Variants in RCN1 observed in about 807,000 individuals in gnomAD.
RCN1 encodes the protein reticulocalbin-1.
A neutral mutation model predicts 34.7 loss-of-function variants in RCN1; 14 were observed. The observed-to-expected ratio is 0.40, with a 90% CI of 0.27 to 0.63. The LOEUF is 0.63. RCN1 is among the 30% of genes least tolerant of loss of function. The probability of loss-of-function intolerance (pLI) is 0.37; values close to 1 mark genes in which losing one functional copy is unlikely to be tolerated. For synonymous variants in RCN1, 125 were observed against 165.5 expected, an observed-to-expected ratio of 0.76 and a Z score of 1.88; for missense variants, 326 against 425.1, an observed-to-expected ratio of 0.77 and a Z score of 2.05.
chr11:32,097,432 G>A (rs1851985937), intron 2 of RCN1, 95 bp downstream of exon 2: 1 of 873,512 alleles, frequency 1.1e-6, no homozygotes, highest in Non-Finnish European at 1.6e-6. Context: ...CTCCCTTCAG[G>A]GAGATGTCAC....
chr11:32,097,382 A>T, intron 2 of RCN1, 45 bp downstream of exon 2: 1 of 1,384,574 alleles, frequency 7.2e-7, no homozygotes, highest in South Asian at 1.6e-5. Context: ...GGCCCAGATC[A>T]CAAGCTTTTT....
chr11:32,105,123 A>G lies in RCN1; in HGVS notation c.*651A>G, dbSNP rs1852096191. On this transcript the variant is annotated 3_prime_UTR_variant, in exon 6 of 6. Coordinates refer to ENST00000054950, the MANE Select transcript of RCN1 (RefSeq NM_002901.4). ...AAAAGCAATCAAGAAAGATAATGTGAAAAAGAAAGGAATTTAGAGGTAGGG... is the reference window on the plus strand; with the variant it reads ...AAAAGCAATCAAGAAAGATAATGTGGAAAAGAAAGGAATTTAGAGGTAGGG... 6.0e-6 allele frequency: 1 copy of G among 167,164 alleles called. No homozygotes were observed. The highest frequency in any genetic ancestry group is 1.5e-5 in the Non-Finnish European group (1 of 68,150). 10.4% of individuals were successfully genotyped at this position (167,164 alleles called of 1,614,324 possible).
chr11:32,099,675 T>C lies in RCN1; in HGVS notation c.628-873T>C, dbSNP rs1852013539. On this transcript the variant is annotated intron_variant, in intron 3 of 5. Coordinates refer to ENST00000054950, the MANE Select transcript of RCN1 (RefSeq NM_002901.4). Reference sequence around the variant, plus strand: ...TCCTGGGCAGATGCACCAACCCAGTTCCAACTGTTTCAATCCTGGGAAACA... The same window carrying C: ...TCCTGGGCAGATGCACCAACCCAGTCCCAACTGTTTCAATCCTGGGAAACA... Among the ~76,000 whole-genome samples the C allele has an allele frequency of 3.3e-5, 5 of 152,208 alleles. No homozygotes were observed. The South Asian group carries it at 1.0e-3, about 32-fold the overall frequency.
intron 4 of RCN1, 44 bp from the exon 5 acceptor site, chr11:32,103,235 TAC>T (rs1222148492): frequency 6.4e-7 from 1 of 1,563,662 alleles, no homozygotes; most frequent in Non-Finnish European, 8.8e-7. Flanking sequence ...GGGGGAGGTT[TAC>T]CTTCCCACTT....
intron 1 of RCN1, 173 bp downstream of exon 1, chr11:32,091,623 C>G (rs1851922955): frequency 1.3e-6 from 1 of 794,748 alleles, no homozygotes; most frequent in East Asian, 3.4e-5. Flanking sequence ...CTGGAGGGCC[C>G]CGGGACCCCA....
chr11:32,091,248 C>T lies in RCN1; in HGVS notation c.52C>T (p.Leu18=), dbSNP rs891196060. The change falls in exon 1 of 6, where the codon CTG becomes TTG. Residue 18 remains leucine (L), a synonymous_variant. Coordinates refer to ENST00000054950, the MANE Select transcript of RCN1 (RefSeq NM_002901.4). ...CCTGGGGTTAGCCCTGGGGCTGCTG[C>T]TGGCGCTGGTGCTGGCGCCGCGGGT... ...RRLGLALGLL[L]ALVLAPRVLR... 4 of 1,533,466 alleles carry T rather than the reference C, an allele frequency of 2.6e-6. No individual in the cohort carries two copies. The highest frequency in any genetic ancestry group is 4.0e-5 in the Admixed American group (2 of 49,594). 95.0% of individuals were successfully genotyped at this position (1,533,466 alleles called of 1,614,324 possible). A position where few individuals can be genotyped will look rare whatever the true frequency, so the allele number is the denominator to read the frequency against.
Position 32,104,350 on chromosome 11 carries a change from T to C in RCN1, c.889-15T>C, listed in dbSNP as rs1251482184. The C allele has an allele frequency of 2.0e-6, 3 of 1,503,314 alleles. No individual in the cohort carries two copies. Among genetic ancestry groups the C allele is most frequent in the Non-Finnish European group, 2.8e-6 (3 of 1,079,424 alleles). The allele number at this position is 1,503,314 out of a possible 1,614,324, so 93.1% of individuals were successfully genotyped here. A position where few individuals can be genotyped will look rare whatever the true frequency, so the allele number is the denominator to read the frequency against. On this transcript the variant is annotated splice_polypyrimidine_tract_variant and intron_variant, in intron 5 of 5. Coordinates refer to ENST00000054950, the MANE Select transcript of RCN1 (RefSeq NM_002901.4). Reference sequence around the variant, plus strand: ...CCAGAGCTTCCATGACAGTGCTCTTTGATCTCTTCTATAGGATGAGAAGCT... The same window carrying C: ...CCAGAGCTTCCATGACAGTGCTCTTCGATCTCTTCTATAGGATGAGAAGCT...
At chr11:32,103,047 GGGATT>G in intron 4 of RCN1, 1 of 622,220 alleles carries the variant, frequency 1.6e-6, no homozygotes, top group Non-Finnish European at 3.0e-6. Context: ...GTCAAAAGCC[GGGATT>G]TATCTTTTGG....
chr11:32,096,999 G>A, intron 1 of RCN1, 145 bp from the exon 2 acceptor site: 1 of 624,870 alleles, frequency 1.6e-6, no homozygotes, highest in Non-Finnish European at 2.6e-6. Context: ...AGCCTCCTTG[G>A]ATCATTGATT....
intron 4 of RCN1, chr11:32,103,073 C>CA: frequency 4.5e-6 from 3 of 660,948 alleles, no homozygotes; most frequent in Non-Finnish European, 8.4e-6. Flanking sequence ...CTTCTAAACT[C>CA]AGTTCTTTCT....
chr11:32,105,078 CTTTG>C lies in RCN1; in HGVS notation c.*614_*617del, dbSNP rs970401047. 4.8e-5 allele frequency: 8 copies of C among 166,946 alleles called. No homozygotes were observed. The highest frequency in any genetic ancestry group is 1.9e-4 in the African/African-American group (8 of 41,380). The allele number at this position is 166,946 out of a possible 1,614,324, so 10.3% of individuals were successfully genotyped here. ...GCTAATATGCACAGTAAATCCATGT[CTTTG>C]TTTGTTTTTCTATTAAAAAGCAATC... is the stretch of plus-strand genomic sequence containing the variant. On this transcript the variant is annotated 3_prime_UTR_variant, in exon 6 of 6. Transcript: ENST00000054950.
chr11:32,100,396 A>G (rs72902298), intron 3 of RCN1, 152 bp from the exon 4 acceptor site: 8,643 of 636,294 alleles, frequency 0.014, 97 homozygotes, highest in African/African-American at 0.032. Flanking sequence ...TGTTTTTTAC[A>G]GATAAAAAAC....
chr11:32,095,595 A>C (rs888142428), intron 1 of RCN1, among the ~76,000 whole-genome samples: 1 of 152,104 alleles, frequency 6.6e-6, no homozygotes, highest in African/African-American at 2.4e-5. Flanking sequence ...TTTTTAGTAG[A>C]GACGGGGTTT....
At chr11:32,100,510 TG>T in intron 3 of RCN1, 37 bp from the exon 4 acceptor site, 1 of 1,533,114 alleles carries the variant, frequency 6.5e-7, no homozygotes, top group South Asian at 1.1e-5. Flanking sequence ...TTAGAGCACA[TG>T]GCCATCTTGC....
chr11:32,103,382 T>G lies in RCN1; in HGVS notation c.790T>G (p.Leu264Val). ...CCGGGATCTGAACAAGGACGGGAAG[T>G]TAGACAAAGATGAGATTCGCCACTG... The part of the protein sequence containing the change: ...EFRDLNKDGK[L>V]DKDEIRHWIL... Residue 264 changes from leucine (L) to valine (V), a missense_variant, in exon 5 of 6, where the codon TTA becomes GTA. Coordinates refer to ENST00000054950, the MANE Select transcript of RCN1 (RefSeq NM_002901.4). 1 of 1,613,562 alleles carries G rather than the reference T, an allele frequency of 6.2e-7. No individual in the cohort carries two copies. Among genetic ancestry groups the G allele is most frequent in the Non-Finnish European group, 8.5e-7 (1 of 1,179,498 alleles).
intron 1 of RCN1, 102 bp from the exon 2 acceptor site, chr11:32,097,042 C>A: frequency 1.1e-6 from 1 of 894,702 alleles, no homozygotes; most frequent in Non-Finnish European, 1.6e-6. Flanking sequence ...TTGGATTGTG[C>A]AGGTGTTTGA....
intron 5 of RCN1, 78 bp downstream of exon 5, chr11:32,103,558 A>G (rs1309454437): frequency 3.0e-5 from 39 of 1,289,770 alleles, no homozygotes; most frequent in Non-Finnish European, 3.4e-5. Flanking sequence ...TTTTTCGGCG[A>G]TAGCATTGAC....
At chr11:32,100,457 C>A (rs2281411) in intron 3 of RCN1, 91 bp from the exon 4 acceptor site, 552,453 of 1,034,576 alleles carry the variant, frequency 0.53, 148,060 homozygotes, top group East Asian at 0.67. Flanking sequence ...AGCATTCAGC[C>A]GTAAAAGCTG....
intron 3 of RCN1, among the ~76,000 whole-genome samples, chr11:32,099,066 T>G (rs1195209993): frequency 6.6e-6 from 1 of 152,164 alleles, no homozygotes. Context: ...ACGCCTGTAA[T>G]CCCAGCACTT....
Sources: allele counts gnomAD v4.1 joint callset (sites outside exome capture counted in the v4.1 genomes callset), GRCh38; gene constraint gnomAD v4.1.1; transcripts MANE v1.5; gene names NCBI Gene and HGNC (gene_info 2026-07-23, HGNC 2026-07-21).